Variants in CACNA2D3 observed in about 807,000 individuals in gnomAD.
The protein encoded by CACNA2D3 is calcium voltage-gated channel auxiliary subunit alpha2delta 3.
CACNA2D3 carries 60 observed loss-of-function variants against 160.6 expected under a neutral mutation model. The ratio of observed to expected loss-of-function variants is 0.37; its 90% CI spans 0.30 to 0.46. The LOEUF is 0.46. Ranked by LOEUF, CACNA2D3 falls within the 20% of genes least tolerant of loss-of-function variation. The probability of loss-of-function intolerance (pLI) is 1.00; values close to 1 mark genes in which losing one functional copy is unlikely to be tolerated. For missense variants in CACNA2D3, 1,205 were observed against 1,365.0 expected (o/e 0.88, Z 1.85); for synonymous variants, 558 against 492.9 (o/e 1.13, Z -1.75).
intron 3 of CACNA2D3, among the ~76,000 whole-genome samples, chr3:54,368,083 A>G (rs1698856832): frequency 6.6e-6 from 1 of 152,226 alleles, no homozygotes; most frequent in Non-Finnish European, 1.5e-5. Context: ...GAGAGTAATT[A>G]TATAAGGAAC....
At chr3:54,671,068 A>G (rs1397319330) in intron 11 of CACNA2D3, among the ~76,000 whole-genome samples, 1 of 152,204 alleles carries the variant, frequency 6.6e-6, no homozygotes, top group Non-Finnish European at 1.5e-5. Flanking sequence ...AAACAAACAA[A>G]AAACATAAAT....
intron 6 of CACNA2D3, 73 bp from the exon 7 acceptor site, chr3:54,569,722 T>C: frequency 4.1e-6 from 5 of 1,232,588 alleles, no homozygotes; most frequent in Admixed American, 2.0e-5. Flanking sequence ...ATCAGCAAAG[T>C]AGAGCAGCCT....
At chr3:54,601,097 A>T (rs1028876789) in intron 9 of CACNA2D3, among the ~76,000 whole-genome samples, 5 of 152,080 alleles carry the variant, frequency 3.3e-5, no homozygotes, top group Non-Finnish European at 7.4e-5. Context: ...TCGACATTTG[A>T]CTGTGCATTT....
chr3:55,021,766 A>G (rs1485775799), intron 35 of CACNA2D3, among the ~76,000 whole-genome samples: 1 of 149,378 alleles, frequency 6.7e-6, no homozygotes, highest in Non-Finnish European at 1.5e-5. Context: ...CAAGTTTCTC[A>G]TTTTTACCAT....
chr3:54,987,476 C>T (rs1319999726), intron 30 of CACNA2D3, among the ~76,000 whole-genome samples: 2 of 152,154 alleles, frequency 1.3e-5, no homozygotes, highest in Admixed American at 6.5e-5. Flanking sequence ...CCCCCTCCCA[C>T]GTACTGTGGA....
At chr3:54,753,399 T>C (rs1701904861) in intron 12 of CACNA2D3, among the ~76,000 whole-genome samples, 1 of 152,210 alleles carries the variant, frequency 6.6e-6, no homozygotes, top group South Asian at 2.1e-4. Context: ...ATTTGAGAGC[T>C]AGTGTGGTGG....
chr3:54,492,666 C>T (rs1701129602), intron 4 of CACNA2D3, among the ~76,000 whole-genome samples: 1 of 152,226 alleles, frequency 6.6e-6, no homozygotes, highest in Non-Finnish European at 1.5e-5. Context: ...CATGTGACCC[C>T]AAACCCCAGT....
At chr3:54,452,014 T>C (rs1700315922) in intron 4 of CACNA2D3, among the ~76,000 whole-genome samples, 1 of 152,202 alleles carries the variant, frequency 6.6e-6, no homozygotes, top group African/African-American at 2.4e-5. Context: ...GTTCATAATT[T>C]CCTTTTAATG....
chr3:54,506,255 G>A (rs955904262), intron 5 of CACNA2D3, among the ~76,000 whole-genome samples: 2 of 151,962 alleles, frequency 1.3e-5, no homozygotes, highest in African/African-American at 4.8e-5. Context: ...TATTGATGAC[G>A]TACTCAAAAC....
chr3:54,887,269 T>C (rs1252301528), intron 23 of CACNA2D3, among the ~76,000 whole-genome samples: 1 of 151,834 alleles, frequency 6.6e-6, no homozygotes, highest in African/African-American at 2.4e-5. Flanking sequence ...CTACTAAAAA[T>C]ACAAAAATTA....
At chr3:54,796,407 C>T (rs963219834) in intron 13 of CACNA2D3, among the ~76,000 whole-genome samples, 1 of 152,058 alleles carries the variant, frequency 6.6e-6, no homozygotes, top group Non-Finnish European at 1.5e-5. Context: ...TCATTGTTAG[C>T]CACTGGATCC....
chr3:54,307,364 A>G (rs772373873), intron 2 of CACNA2D3, among the ~76,000 whole-genome samples: 6 of 152,112 alleles, frequency 3.9e-5, no homozygotes, highest in Non-Finnish European at 8.8e-5. Flanking sequence ...TGCAAATTGG[A>G]AGGTCACCTG....
At chr3:54,176,152 C>G (rs1700673415) in intron 2 of CACNA2D3, among the ~76,000 whole-genome samples, 1 of 152,160 alleles carries the variant, frequency 6.6e-6, no homozygotes, top group Admixed American at 6.5e-5. Context: ...AGTTTCTGAG[C>G]CCCAACACAC....
intron 13 of CACNA2D3, among the ~76,000 whole-genome samples, chr3:54,802,147 A>G (rs17766647): frequency 0.24 from 36,600 of 151,996 alleles, 4,699 homozygotes; most frequent in African/African-American, 0.33. Flanking sequence ...TCACCATAAT[A>G]GCAAGGGGTT....
intron 13 of CACNA2D3, among the ~76,000 whole-genome samples, chr3:54,786,524 C>G (rs966965272): frequency 6.6e-6 from 1 of 152,170 alleles, no homozygotes; most frequent in African/African-American, 2.4e-5. Context: ...TCCTGTGTCT[C>G]TTCACTTTGT....
chr3:54,924,486 A>G, intron 27 of CACNA2D3: 1 of 703,526 alleles, frequency 1.4e-6, no homozygotes, highest in Non-Finnish European at 2.4e-6. Context: ...ATACCGTGAA[A>G]TGGCACCGAT....
At chr3:54,902,629 C>A (rs1302770997) in intron 27 of CACNA2D3, among the ~76,000 whole-genome samples, 3 of 152,218 alleles carry the variant, frequency 2.0e-5, no homozygotes, top group African/African-American at 4.8e-5. Flanking sequence ...AGCCCTGGAA[C>A]CTTCTGTTGT....
At chr3:54,506,979 A>G (rs538063589) in intron 5 of CACNA2D3, among the ~76,000 whole-genome samples, 2 of 152,160 alleles carry the variant, frequency 1.3e-5, no homozygotes, top group Admixed American at 6.5e-5. Context: ...TATACACATT[A>G]TATATACACA....
intron 2 of CACNA2D3, among the ~76,000 whole-genome samples, chr3:54,198,807 T>G (rs1038236661): frequency 2.0e-5 from 3 of 152,248 alleles, no homozygotes; most frequent in African/African-American, 7.2e-5. Context: ...AGCTAGACGC[T>G]GAGTGCACAG....
Sources: gnomAD v4.1 joint callset for allele counts (sites outside exome capture counted in the v4.1 genomes callset) on GRCh38, gnomAD v4.1.1 for gene constraint, MANE v1.5 for transcripts, NCBI Gene and HGNC (gene_info 2026-07-23, HGNC 2026-07-21) for gene names.